Variants in PCDH15 observed in about 807,000 individuals in gnomAD.
The protein encoded by PCDH15 is protocadherin-15.
In PCDH15, 129 loss-of-function variants were observed where a neutral mutation model predicts 178.5. The observed-to-expected ratio is 0.72, with a 90% confidence interval of 0.63 to 0.84. PCDH15 has a LOEUF of 0.84. PCDH15 is among the 40% of genes least tolerant of loss of function. PCDH15 has a pLI of 0.00. For missense variants in PCDH15, 2,230 were observed against 2,099.9 expected, an observed-to-expected ratio of 1.06 and a Z score of -1.21; for synonymous variants, 800 against 732.0, an observed-to-expected ratio of 1.09 and a Z score of -1.50.
At chr10:54,439,190 G>A (rs1272083129) in intron 3 of PCDH15, among the ~76,000 whole-genome samples, 1 of 151,894 alleles carries the variant, frequency 6.6e-6, no homozygotes, top group East Asian at 1.9e-4. Flanking sequence ...ATAATACATA[G>A]CATAAATATG....
intron 26 of PCDH15, among the ~76,000 whole-genome samples, chr10:53,892,386 T>G (rs949043381): frequency 6.6e-6 from 1 of 152,154 alleles, no homozygotes; most frequent in Non-Finnish European, 1.5e-5. Context: ...CTGGGAAAAG[T>G]AGTCCGATTT....
At chr10:54,250,017 T>C (rs2056331406) in intron 8 of PCDH15, among the ~76,000 whole-genome samples, 1 of 151,518 alleles carries the variant, frequency 6.6e-6, no homozygotes, top group Admixed American at 6.6e-5. Context: ...GCTCGGACCA[T>C]CCTCCCACTT....
chr10:54,177,331 C>T (rs915420508), intron 13 of PCDH15, among the ~76,000 whole-genome samples: 1 of 152,044 alleles, frequency 6.6e-6, no homozygotes, highest in Non-Finnish European at 1.5e-5. Context: ...CAGTGAAACT[C>T]TTCTGTGTGG....
intron 14 of PCDH15, among the ~76,000 whole-genome samples, chr10:54,148,712 C>A (rs1410495863): frequency 6.6e-6 from 1 of 151,880 alleles, no homozygotes; most frequent in Non-Finnish European, 1.5e-5. Flanking sequence ...CATGACGTCA[C>A]CTTAAGCAAA....
chr10:53,884,205 C>T (rs1412437568), intron 26 of PCDH15, among the ~76,000 whole-genome samples: 1 of 152,104 alleles, frequency 6.6e-6, no homozygotes, highest in Non-Finnish European at 1.5e-5. Context: ...CGATTAAATG[C>T]AGGTTGAGTT....
intron 2 of PCDH15, among the ~76,000 whole-genome samples, chr10:54,632,830 G>C (rs1029947229): frequency 6.6e-6 from 1 of 151,892 alleles, no homozygotes; most frequent in Non-Finnish European, 1.5e-5. Context: ...AGTCAGACCT[G>C]AATACTACCT....
At chr10:55,015,004 T>C (rs1367487021) in intron 2 of PCDH15, among the ~76,000 whole-genome samples, 1 of 151,934 alleles carries the variant, frequency 6.6e-6, no homozygotes, top group Non-Finnish European at 1.5e-5. Context: ...GCAGATCACT[T>C]GAGGTCAGGA....
intron 2 of PCDH15, among the ~76,000 whole-genome samples, chr10:55,135,482 C>G (rs1382327423): frequency 2.0e-5 from 3 of 151,772 alleles, no homozygotes; most frequent in Non-Finnish European, 4.4e-5. Flanking sequence ...CCTTTCTCTG[C>G]TGTCTCAAGC....
chr10:55,066,079 T>A (rs1179872195), intron 2 of PCDH15, among the ~76,000 whole-genome samples: 1 of 151,932 alleles, frequency 6.6e-6, no homozygotes, highest in Non-Finnish European at 1.5e-5. Context: ...TTTTTTTTGC[T>A]TTATTTATAT....
At chr10:55,353,381 A>C (rs1381146571) in intron 2 of PCDH15, among the ~76,000 whole-genome samples, 2 of 152,178 alleles carry the variant, frequency 1.3e-5, no homozygotes, top group African/African-American at 4.8e-5. Flanking sequence ...CAACCTACAA[A>C]GTGGCAGAGC....
chr10:53,934,877 A>G (rs1313870157), intron 25 of PCDH15, among the ~76,000 whole-genome samples: 3 of 151,772 alleles, frequency 2.0e-5, no homozygotes, highest in East Asian at 1.9e-4. Context: ...GTCAGTTTCT[A>G]TTGCACAAGA....
chr10:54,039,314 G>C (rs544439674), intron 18 of PCDH15, among the ~76,000 whole-genome samples: 3 of 151,994 alleles, frequency 2.0e-5, no homozygotes, highest in African/African-American at 7.2e-5. Context: ...TCCAGAGATA[G>C]AAAGATGAGC....
chr10:54,868,627 G>A (rs1168376845), intron 3 of PCDH15, among the ~76,000 whole-genome samples: 1 of 151,958 alleles, frequency 6.6e-6, no homozygotes, highest in African/African-American at 2.4e-5. Context: ...TTCAAATCAG[G>A]CTACTTCTCT....
chr10:54,740,499 T>C (rs139895005), intron 1 of PCDH15, among the ~76,000 whole-genome samples: 1 of 151,928 alleles, frequency 6.6e-6, no homozygotes, highest in East Asian at 1.9e-4. Context: ...AGAATTAGCA[T>C]ATGATCCAGC....
chr10:54,165,043 T>C (rs556002699), intron 13 of PCDH15, among the ~76,000 whole-genome samples: 15 of 152,344 alleles, frequency 9.8e-5, no homozygotes, highest in African/African-American at 3.6e-4. Context: ...GGTTTGCTTT[T>C]ATGTTTGTTG....
intron 23 of PCDH15, among the ~76,000 whole-genome samples, chr10:53,945,875 A>G (rs1226835231): frequency 1.2e-5 from 1 of 81,926 alleles, no homozygotes; most frequent in East Asian, 5.4e-4. Flanking sequence ...ATATATATAT[A>G]TATATATCAC....
chr10:55,446,793 A>C (rs966210202), intron 2 of PCDH15, among the ~76,000 whole-genome samples: 1 of 152,102 alleles, frequency 6.6e-6, no homozygotes, highest in African/African-American at 2.4e-5. Flanking sequence ...CTACTCTGAG[A>C]GACATATATG....
Position 55,045,763 on chromosome 10 carries a change from C to CA in PCDH15, c.-80+120812dup, listed in dbSNP as rs555589786. On this transcript the variant is annotated intron_variant, in intron 2 of 5. Transcript: ENST00000458638. Reference sequence around the variant, plus strand: ...AACAGCTCATGATAGAGCATTTTCACAAAAAAGTAATGCCAGTAATGTCAA... The same window carrying CA: ...AACAGCTCATGATAGAGCATTTTCACAAAAAAAGTAATGCCAGTAATGTCAA... Among the ~76,000 whole-genome samples, 172 of 151,882 alleles carry CA rather than the reference C, an allele frequency of 1.1e-3. 1 individual carries two copies. The highest frequency in any genetic ancestry group is 2.5e-3 in the Admixed American group (38 of 15,206).
intron 6 of PCDH15, among the ~76,000 whole-genome samples, chr10:54,333,917 A>T (rs1940440409): frequency 6.6e-6 from 1 of 152,192 alleles, no homozygotes; most frequent in African/African-American, 2.4e-5. Context: ...TTGTTCCACC[A>T]ATGAGGCAGA....
Sources: gnomAD v4.1 joint callset for allele counts (sites outside exome capture counted in the v4.1 genomes callset) on GRCh38, gnomAD v4.1.1 for gene constraint, MANE v1.5 for transcripts, NCBI Gene and HGNC (gene_info 2026-07-23, HGNC 2026-07-21) for gene names.